TNS3: variants seen among roughly 807,000 people sequenced by gnomAD.
TNS3 encodes tensin 3, also known as tensin-3.
TNS3 carries 45 observed loss-of-function variants against 140.9 expected under a neutral mutation model. That is an observed-to-expected ratio of 0.32 (90% CI 0.25 to 0.41). The LOEUF (loss-of-function observed/expected upper bound fraction) is 0.41. Among genes scored for constraint, TNS3 ranks in the 10% least tolerant of loss-of-function variants. TNS3 has a pLI of 1.00. For missense variants in TNS3, 1,716 were observed against 1,906.7 expected, an observed-to-expected ratio of 0.90 and a Z score of 1.86; for synonymous variants, 815 against 788.4, an observed-to-expected ratio of 1.03 and a Z score of -0.56.
At chr7:47,517,117 T>C (rs1798804292) in intron 2 of TNS3, among the ~76,000 whole-genome samples, 1 of 152,186 alleles carries the variant, frequency 6.6e-6, no homozygotes, top group Non-Finnish European at 1.5e-5. Context: ...TTCAGCCTGG[T>C]GTACTTACAC....
At chr7:47,557,118 C>A (rs1478764941) in intron 1 of TNS3, 2 of 456,826 alleles carry the variant, frequency 4.4e-6, no homozygotes, top group Non-Finnish European at 4.4e-6. Context: ...GCCTGGAGCA[C>A]ATGAGGAGGC....
At chr7:47,430,071 C>T (rs191216380) in intron 8 of TNS3, among the ~76,000 whole-genome samples, 6 of 152,166 alleles carry the variant, frequency 3.9e-5, no homozygotes, top group African/African-American at 1.4e-4. Context: ...TTATCAATCA[C>T]TTTTGTGGCA....
rs1490923614 is a variant in TNS3 at position 47,414,822 on chromosome 7, G to T, written c.586+272C>A. 2.6e-5 allele frequency among the ~76,000 whole-genome samples: 4 copies of T among 152,194 alleles called. No individual in the cohort carries two copies. The South Asian group carries it at 6.2e-4, about 24-fold the overall frequency. On this transcript the variant is annotated intron_variant, in intron 11 of 30. Coordinates refer to ENST00000311160, the MANE Select transcript of TNS3 (RefSeq NM_022748.12). ...AGGGCTGCAGCCCAGAACAATGCTT[G>T]TCTGCCCTAGTCACTGTGCATATAC...
At chr7:47,575,004 C>T (rs1800644564) in intron 1 of TNS3, among the ~76,000 whole-genome samples, 5 of 151,980 alleles carry the variant, frequency 3.3e-5, no homozygotes, top group Admixed American at 2.0e-4. Flanking sequence ...ATGATTAAAA[C>T]GACAAAGTTC....
intron 20 of TNS3, among the ~76,000 whole-genome samples, chr7:47,307,742 T>C (rs1244244976): frequency 6.6e-6 from 1 of 152,264 alleles, no homozygotes; most frequent in Non-Finnish European, 1.5e-5. Flanking sequence ...GGCATTTTTA[T>C]GTGTTCTCTG....
In TNS3 at chr7:47,369,105, T is replaced by C. The variant is rs200287019; in HGVS notation, c.1541A>G (p.Lys514Arg). ...AGATAGGAGTGAGTTCTGGCTGCTC[T>C]TGTGGCAGGTGAAGGGACCCAGGTG... ...SAHLGPFTCH[K>R]SSQNSLLSDG... is the part of the protein sequence containing the mutation. The change falls in exon 17 of 31, where the codon AAG becomes AGG. Residue 514 changes from lysine (K) to arginine (R), a missense_variant. Physicochemically the swap from Lys to Arg is conservative, Grantham distance 26 (BLOSUM62 2). Transcript: ENST00000311160. 1.2e-3 allele frequency: 1,956 copies of C among 1,614,088 alleles called. No individual in the cohort carries two copies. The highest frequency in any genetic ancestry group is 1.6e-3 in the Non-Finnish European group (1,830 of 1,180,032).
intron 3 of TNS3, among the ~76,000 whole-genome samples, chr7:47,502,633 A>G (rs1798269331): frequency 6.6e-6 from 1 of 152,204 alleles, no homozygotes; most frequent in African/African-American, 2.4e-5. Flanking sequence ...CTGTAGTCTC[A>G]GCTTAAAAAG....
intron 20 of TNS3, among the ~76,000 whole-genome samples, chr7:47,305,569 C>CA (rs1241783080): frequency 6.6e-6 from 1 of 152,238 alleles, no homozygotes; most frequent in Non-Finnish European, 1.5e-5. Flanking sequence ...TATGAGGGTG[C>CA]AAACCCATGC....
chr7:47,350,029 T>G (rs1373843953), intron 17 of TNS3, among the ~76,000 whole-genome samples: 1 of 152,198 alleles, frequency 6.6e-6, no homozygotes, highest in Non-Finnish European at 1.5e-5. Context: ...TGTCACCACA[T>G]GTATCTGACT....
chr7:47,544,248 T>A (rs1799864573), intron 1 of TNS3, among the ~76,000 whole-genome samples: 1 of 130,328 alleles, frequency 7.7e-6, no homozygotes. Flanking sequence ...CACCTATCCA[T>A]GGGTCGGGGG....
chr7:47,288,780 G>A (rs1785550264), intron 27 of TNS3, among the ~76,000 whole-genome samples: 1 of 152,172 alleles, frequency 6.6e-6, no homozygotes, highest in South Asian at 2.1e-4. Context: ...ATGCTCCCAA[G>A]GCATTGTCAA....
intron 7 of TNS3, 105 bp downstream of exon 7, chr7:47,437,158 T>C (rs1795224738): frequency 2.8e-6 from 2 of 707,578 alleles, no homozygotes; most frequent in Non-Finnish European, 2.3e-6. Flanking sequence ...CTAATACTCC[T>C]TATCAAGTCA....
At chr7:47,316,291 T>C (rs950646523) in intron 20 of TNS3, among the ~76,000 whole-genome samples, 2 of 152,102 alleles carry the variant, frequency 1.3e-5, no homozygotes, top group African/African-American at 2.4e-5. Context: ...AGGCGGGGAA[T>C]TGGGGCTGCT....
At chr7:47,535,852 C>T (rs1409377556) in intron 1 of TNS3, among the ~76,000 whole-genome samples, 1 of 152,228 alleles carries the variant, frequency 6.6e-6, no homozygotes, top group Non-Finnish European at 1.5e-5. Context: ...TGGTTACACA[C>T]GCAAAAGTGC....
chr7:47,280,603 G>A (rs1472879179), intron 28 of TNS3, among the ~76,000 whole-genome samples: 2 of 152,236 alleles, frequency 1.3e-5, no homozygotes, highest in Non-Finnish European at 2.9e-5. Flanking sequence ...CCGTGTGGAA[G>A]GCGGGAATCG....
At position 47,298,052 on chromosome 7, in the gene TNS3, C is replaced by T. The variant is rs549721730; in HGVS notation, c.3545-839G>A. ...CCACCCGCCTCAGCCTCCCAAAGTG[C>T]TGGGATTACAGGCGTGAGCCACTGC... is the stretch of plus-strand genomic sequence containing the variant. On this transcript the variant is annotated intron_variant, in intron 23 of 30. Transcript: ENST00000311160. Among the ~76,000 whole-genome samples the T allele has an allele frequency of 1.1e-3, 175 of 152,340 alleles. 1 individual carries two copies. The highest frequency in any genetic ancestry group is 4.0e-3 in the African/African-American group (165 of 41,576).
chr7:47,399,100 A>C, intron 15 of TNS3, among the ~76,000 whole-genome samples: 1 of 137,880 alleles, frequency 7.3e-6, no homozygotes, highest in Non-Finnish European at 1.6e-5. Context: ...AAAAAAAAAA[A>C]CTAGAAATAT....
At chr7:47,478,445 C>T (rs989579807) in intron 4 of TNS3, among the ~76,000 whole-genome samples, 5 of 151,558 alleles carry the variant, frequency 3.3e-5, no homozygotes, top group African/African-American at 1.2e-4. Context: ...CATTCACATA[C>T]ACATAAACTG....
chr7:47,546,021 G>T (rs1339374575), intron 1 of TNS3, among the ~76,000 whole-genome samples: 2 of 152,180 alleles, frequency 1.3e-5, no homozygotes, highest in Admixed American at 1.3e-4. Flanking sequence ...AGCACAGAGA[G>T]CCATGAGATC....
Sources: gnomAD v4.1 joint callset for allele counts (sites outside exome capture counted in the v4.1 genomes callset) on GRCh38, gnomAD v4.1.1 for gene constraint, MANE v1.5 for transcripts, NCBI Gene and HGNC (gene_info 2026-07-23, HGNC 2026-07-21) for gene names.